Variants in NAV2 observed in about 807,000 individuals in gnomAD.
NAV2 encodes helicase, APC down-regulated 1.
NAV2 carries 54 observed loss-of-function variants against 223.2 expected under a neutral mutation model. That is an observed-to-expected ratio of 0.24 (90% confidence interval 0.19 to 0.30). The LOEUF (loss-of-function observed/expected upper bound fraction) is 0.30. NAV2 is among the 10% of genes least tolerant of loss of function. The pLI, the probability that NAV2 is intolerant of heterozygous loss-of-function variation, is 1.00. For missense variants in NAV2, 2,806 were observed against 3,147.5 expected (o/e 0.89, Z 2.60); for synonymous variants, 1,279 against 1,239.3 (o/e 1.03, Z -0.67).
Position 19,966,636 on chromosome 11 carries a change from TA to T in NAV2, c.2646-17486del, listed in dbSNP as rs2153420168. Reference sequence around the variant, plus strand: ...CCTTTGCATGAGTCTGCTCTGTCCATAAACTCCTCCCCATCAATTACCACCC... The same window carrying T: ...CCTTTGCATGAGTCTGCTCTGTCCATAACTCCTCCCCATCAATTACCACCC... On this transcript the variant is annotated intron_variant, in intron 10 of 37. Coordinates refer to ENST00000349880, the MANE Select transcript of NAV2 (RefSeq NM_145117.5). 2.0e-5 allele frequency among the ~76,000 whole-genome samples: 3 copies of T among 152,286 alleles called. 1 individual carries two copies. In the East Asian group the frequency reaches 5.8e-4, roughly 29 times the overall value.
chr11:19,439,029 T>A (rs952135081), intron 1 of NAV2, among the ~76,000 whole-genome samples: 1 of 152,146 alleles, frequency 6.6e-6, no homozygotes, highest in Non-Finnish European at 1.5e-5. Flanking sequence ...TCCAATCCTC[T>A]AATTGCATGG....
At chr11:19,779,512 C>T (rs928942416) in intron 1 of NAV2, among the ~76,000 whole-genome samples, 4 of 152,214 alleles carry the variant, frequency 2.6e-5, no homozygotes, top group African/African-American at 7.2e-5. Flanking sequence ...TTGTGCAGAG[C>T]ACAGCCTTGG....
At chr11:19,555,078 T>C (rs913373223) in intron 1 of NAV2, among the ~76,000 whole-genome samples, 1 of 152,076 alleles carries the variant, frequency 6.6e-6, no homozygotes, top group Non-Finnish European at 1.5e-5. Context: ...CTTTTCAGTT[T>C]TGAGTAAACA....
chr11:19,999,760 C>A (rs1444077100), intron 11 of NAV2, among the ~76,000 whole-genome samples: 4 of 152,194 alleles, frequency 2.6e-5, no homozygotes, highest in Admixed American at 2.0e-4. Context: ...ATCCTGAGCC[C>A]CCATGTCTTC....
intron 6 of NAV2, among the ~76,000 whole-genome samples, chr11:19,903,537 C>T (rs2153194819): frequency 6.6e-6 from 1 of 152,186 alleles, no homozygotes; most frequent in Admixed American, 6.5e-5. Context: ...ATCTAATGCT[C>T]CCTTTGCCTT....
At chr11:19,618,431 T>C (rs112762758) in intron 1 of NAV2, among the ~76,000 whole-genome samples, 1 of 137,894 alleles carries the variant, frequency 7.3e-6, no homozygotes, top group East Asian at 2.1e-4. Flanking sequence ...GATGGATGGA[T>C]GGATGGACGG....
At chr11:19,815,040 AC>A (rs2059023458) in intron 1 of NAV2, among the ~76,000 whole-genome samples, 1 of 151,984 alleles carries the variant, frequency 6.6e-6, no homozygotes, top group Admixed American at 6.6e-5. Context: ...AAACGTTTAA[AC>A]CCGCAAAGCA....
At chr11:19,482,758 T>C (rs1337418584) in intron 1 of NAV2, among the ~76,000 whole-genome samples, 1 of 152,218 alleles carries the variant, frequency 6.6e-6, no homozygotes, top group East Asian at 1.9e-4. Flanking sequence ...ACGCCCAACA[T>C]ACCTTAGTAC....
intron 1 of NAV2, among the ~76,000 whole-genome samples, chr11:19,408,742 T>C (rs1850009010): frequency 6.6e-6 from 1 of 152,136 alleles, no homozygotes; most frequent in African/African-American, 2.4e-5. Context: ...CTGCCCAAGG[T>C]CACTGCCAGT....
intron 4 of NAV2, among the ~76,000 whole-genome samples, chr11:19,872,841 C>T (rs1188619647): frequency 6.6e-6 from 1 of 152,214 alleles, no homozygotes; most frequent in Admixed American, 6.5e-5. Context: ...GGGAACTTCC[C>T]TGGACTAGGC....
intron 20 of NAV2, 41 bp from the exon 21 acceptor site, chr11:20,068,145 G>T: frequency 1.2e-6 from 2 of 1,600,316 alleles, no homozygotes; most frequent in African/African-American, 1.3e-5. Flanking sequence ...ACTATTCTTT[G>T]TTCCTTAACT....
At chr11:19,988,360 G>A (rs1053817998) in intron 11 of NAV2, among the ~76,000 whole-genome samples, 13 of 152,160 alleles carry the variant, frequency 8.5e-5, no homozygotes, top group African/African-American at 1.4e-4. Flanking sequence ...CTTCTAAGCC[G>A]TTAGAATACT....
Position 20,045,549 on chromosome 11 carries a change from A to T in NAV2, c.3781A>T (p.Ser1261Cys). The T allele has an allele frequency of 1.2e-6, 2 of 1,614,124 alleles. No homozygotes were observed. The highest frequency in any genetic ancestry group is 1.7e-6 in the Non-Finnish European group (2 of 1,180,008). The change falls in exon 14 of 38, where the codon AGT becomes TGT. Residue 1261 changes from serine (S) to cysteine (C), a missense_variant. Transcript: ENST00000349880. The stretch of plus-strand genomic sequence containing the variant: ...GAAAGGCATCTCATCAGACAACGAG[A>T]GTGTGGCTTCCTGTAACTCGGTGAA... ...KEKGISSDNE[S>C]VASCNSVKVN...
intron 3 of NAV2, among the ~76,000 whole-genome samples, chr11:19,856,345 A>T (rs1054634517): frequency 1.4e-4 from 22 of 152,298 alleles, no homozygotes; most frequent in African/African-American, 4.8e-4. Context: ...TATATGCTTA[A>T]TTATTTTTAA....
At chr11:20,051,439 G>A (rs796957210) in intron 17 of NAV2, 106 bp downstream of exon 17, 11 of 997,610 alleles carry the variant, frequency 1.1e-5, no homozygotes, top group East Asian at 4.8e-5. Flanking sequence ...TGGGGTCCCC[G>A]CTTTGACCAC....
chr11:19,712,870 A>T lies in NAV2; in HGVS notation c.-826A>T, dbSNP rs1381716789. Reference sequence around the variant, plus strand: ...CTGCGCTGAGCCCCGCAGCCAGCGCAGCCTTCCCGGGAAGCGCGGCGGCCG... The same window carrying T: ...CTGCGCTGAGCCCCGCAGCCAGCGCTGCCTTCCCGGGAAGCGCGGCGGCCG... On this transcript the variant is annotated 5_prime_UTR_variant, in exon 1 of 38. Transcript: ENST00000349880. 6.6e-6 allele frequency among the ~76,000 whole-genome samples: 1 copy of T among 151,076 alleles called. No homozygotes were observed. The highest frequency in any genetic ancestry group is 6.6e-5 in the Admixed American group (1 of 15,154).
At chr11:19,523,112 C>T (rs1448740023) in intron 1 of NAV2, among the ~76,000 whole-genome samples, 1 of 152,200 alleles carries the variant, frequency 6.6e-6, no homozygotes, top group Non-Finnish European at 1.5e-5. Context: ...GGAGAGGGTA[C>T]CTCACTTGTC....
intron 1 of NAV2, among the ~76,000 whole-genome samples, chr11:19,430,390 C>A (rs1045338886): frequency 6.6e-6 from 1 of 152,198 alleles, no homozygotes; most frequent in African/African-American, 2.4e-5. Context: ...AGTCCCCTCT[C>A]GCATAGCCTC....
intron 1 of NAV2, among the ~76,000 whole-genome samples, chr11:19,759,178 G>A (rs1440251913): frequency 7.2e-6 from 1 of 138,566 alleles, no homozygotes; most frequent in Non-Finnish European, 1.5e-5. Flanking sequence ...CGCCTCCCGG[G>A]TCCACGCCAT....
Sources: allele counts gnomAD v4.1 joint callset (sites outside exome capture counted in the v4.1 genomes callset), GRCh38; gene constraint gnomAD v4.1.1; transcripts MANE v1.5; gene names NCBI Gene and HGNC (gene_info 2026-07-23, HGNC 2026-07-21).